Variants in MAPK4 observed in about 807,000 individuals in gnomAD.
The protein encoded by MAPK4 is mitogen-activated protein kinase 4.
A neutral mutation model predicts 47.7 loss-of-function variants in MAPK4; 22 were observed. The ratio of observed to expected loss-of-function variants is 0.46; its 90% CI spans 0.33 to 0.66. MAPK4 has a LOEUF of 0.66. Ranked by LOEUF, MAPK4 falls within the 30% of genes least tolerant of loss-of-function variation. MAPK4 has a pLI of 0.02. For synonymous variants in MAPK4, 390 were observed against 365.7 expected (o/e 1.07, Z -0.76); for missense variants, 736 against 831.7 (o/e 0.88, Z 1.42).
intron 1 of MAPK4, among the ~76,000 whole-genome samples, chr18:50,619,980 G>T (rs1240434058): frequency 6.6e-6 from 1 of 152,218 alleles, no homozygotes; most frequent in East Asian, 1.9e-4. Flanking sequence ...TAGGATATTG[G>T]CTCCCCCAAG....
intron 1 of MAPK4, among the ~76,000 whole-genome samples, chr18:50,598,218 G>A (rs555366109): frequency 5.9e-4 from 90 of 152,298 alleles, no homozygotes; most frequent in Middle Eastern, 6.8e-3. Flanking sequence ...TGCATGCCAA[G>A]CACTGTGAAG....
intron 1 of MAPK4, among the ~76,000 whole-genome samples, chr18:50,615,514 A>T (rs2042677253): frequency 6.6e-6 from 1 of 152,170 alleles, no homozygotes; most frequent in Non-Finnish European, 1.5e-5. Context: ...AAGGCAGGAC[A>T]TGCCCCTCTT....
intron 1 of MAPK4, among the ~76,000 whole-genome samples, chr18:50,616,824 T>C (rs142628180): frequency 6.6e-6 from 1 of 152,346 alleles, no homozygotes; most frequent in East Asian, 1.9e-4. Flanking sequence ...GCTGATTAGA[T>C]GGTGCCACCC....
intron 1 of MAPK4, among the ~76,000 whole-genome samples, chr18:50,567,740 G>A (rs1370727573): frequency 2.6e-5 from 4 of 151,696 alleles, no homozygotes; most frequent in African/African-American, 9.7e-5. Flanking sequence ...TTGTGTGTGT[G>A]TGTGTGTGTG....
chr18:50,652,623 T>G lies in MAPK4; in HGVS notation c.-870-10466T>G, dbSNP rs116681636. On this transcript the variant is annotated intron_variant, in intron 1 of 5. Coordinates refer to ENST00000400384, the MANE Select transcript of MAPK4 (RefSeq NM_002747.4). ...GGAGTATGGAGCTTCTGAGAATGCATTTGCACTGCTCAGATATTAATATTG... is the reference window on the plus strand; with the variant it reads ...GGAGTATGGAGCTTCTGAGAATGCAGTTGCACTGCTCAGATATTAATATTG... Among the ~76,000 whole-genome samples the G allele has an allele frequency of 6.1e-3, 926 of 152,260 alleles. 4 individuals are homozygous for G. The highest frequency in any genetic ancestry group is 0.021 in the African/African-American group (852 of 41,518).
At chr18:50,634,995 G>C (rs2042871027) in intron 1 of MAPK4, among the ~76,000 whole-genome samples, 1 of 152,190 alleles carries the variant, frequency 6.6e-6, no homozygotes, top group Non-Finnish European at 1.5e-5. Flanking sequence ...AGACTCTCCA[G>C]GGGAAGGATC....
chr18:50,730,188 G>T lies in MAPK4; in HGVS notation c.*334G>T. 4.7e-6 allele frequency: 1 copy of T among 211,236 alleles called. No individual in the cohort carries two copies. Among genetic ancestry groups the T allele is most frequent in the Non-Finnish European group, 9.4e-6 (1 of 106,308 alleles). 13.1% of individuals were successfully genotyped at this position (211,236 alleles called of 1,614,324 possible). A position where few individuals can be genotyped will look rare whatever the true frequency, so the allele number is the denominator to read the frequency against. The stretch of plus-strand genomic sequence containing the variant: ...GCAGGATGCCGAGAAATCTTGCAGA[G>T]GTAGCTCCGAAACCATCTGGCCCAA... On this transcript the variant is annotated 3_prime_UTR_variant, in exon 6 of 6. Transcript: ENST00000400384.
chr18:50,654,004 C>T (rs1050149831), intron 1 of MAPK4, among the ~76,000 whole-genome samples: 4 of 152,206 alleles, frequency 2.6e-5, no homozygotes, highest in African/African-American at 9.7e-5. Flanking sequence ...CTTTGATTCT[C>T]CTGGCTCATC....
At chr18:50,634,390 G>C (rs549987544) in intron 1 of MAPK4, among the ~76,000 whole-genome samples, 1 of 151,060 alleles carries the variant, frequency 6.6e-6, no homozygotes, top group East Asian at 2.0e-4. Flanking sequence ...GGTGAGGTCA[G>C]TTCCAGGAGT....
intron 1 of MAPK4, among the ~76,000 whole-genome samples, chr18:50,571,275 A>C (rs2042247721): frequency 6.6e-6 from 1 of 152,244 alleles, no homozygotes; most frequent in South Asian, 2.1e-4. Context: ...TATTGCTAGA[A>C]ATAGAAATCC....
chr18:50,694,268 C>T (rs961215193), intron 2 of MAPK4, among the ~76,000 whole-genome samples: 2 of 152,126 alleles, frequency 1.3e-5, no homozygotes, highest in African/African-American at 4.8e-5. Context: ...TGACTCTCAG[C>T]CTCCATCCTC....
At chr18:50,725,593 G>A (rs1350375921) in intron 4 of MAPK4, among the ~76,000 whole-genome samples, 1 of 152,194 alleles carries the variant, frequency 6.6e-6, no homozygotes, top group Non-Finnish European at 1.5e-5. Flanking sequence ...TGTCATGAGT[G>A]TGCCTTGTTC....
rs144174675 is a variant in MAPK4 at position 50,566,290 on chromosome 18, A to T, written c.-871+6047A>T. Among the ~76,000 whole-genome samples, 26 of 152,356 alleles carry T rather than the reference A, an allele frequency of 1.7e-4. No individual in the cohort carries two copies. The East Asian group carries it at 5.0e-3, about 29-fold the overall frequency. On this transcript the variant is annotated intron_variant, in intron 1 of 5. Coordinates refer to ENST00000400384, the MANE Select transcript of MAPK4 (RefSeq NM_002747.4). The stretch of plus-strand genomic sequence containing the variant: ...GAGTTGAGACCTGTTTGGAGATCTT[A>T]GGTCAAATGTGCACACAGTCACAGA...
At chr18:50,624,251 T>C (rs1433344046) in intron 1 of MAPK4, among the ~76,000 whole-genome samples, 1 of 152,178 alleles carries the variant, frequency 6.6e-6, no homozygotes, top group Non-Finnish European at 1.5e-5. Context: ...GATATATGAG[T>C]ATATGGGCTT....
At chr18:50,633,712 A>G (rs1265420785) in intron 1 of MAPK4, among the ~76,000 whole-genome samples, 1 of 152,152 alleles carries the variant, frequency 6.6e-6, no homozygotes, top group African/African-American at 2.4e-5. Context: ...ATCTTACTAT[A>G]AAGTCCTGGA....
Position 50,640,980 on chromosome 18 carries a change from A to G in MAPK4, c.-870-22109A>G, listed in dbSNP as rs2042936318. 2.0e-5 allele frequency among the ~76,000 whole-genome samples: 3 copies of G among 152,284 alleles called. No individual in the cohort carries two copies. In the South Asian group the frequency reaches 6.2e-4, roughly 32 times the overall value. ...AAGATTATTTGCAAATTCACAAATC[A>G]GCGTTTTTGTCTTTTAAATCTGCTT... On this transcript the variant is annotated intron_variant, in intron 1 of 5. Transcript: ENST00000400384.
intron 2 of MAPK4, among the ~76,000 whole-genome samples, chr18:50,674,143 C>T (rs3892158): frequency 0.69 from 105,382 of 152,108 alleles, 40,069 homozygotes; most frequent in Non-Finnish European, 0.85. Flanking sequence ...TGTTTTCAGT[C>T]CTGGTGTAAA....
At chr18:50,574,792 C>T (rs1016850958) in intron 1 of MAPK4, among the ~76,000 whole-genome samples, 4 of 152,168 alleles carry the variant, frequency 2.6e-5, no homozygotes, top group African/African-American at 9.7e-5. Flanking sequence ...CAAAGGAATT[C>T]GCAGTAGGAA....
chr18:50,559,649 C>CGCGGGGCTG, upstream of MAPK4, among the ~76,000 whole-genome samples: 1 of 150,550 alleles, frequency 6.6e-6, no homozygotes, highest in Non-Finnish European at 1.5e-5. Context: ...GCTGCAGCCG[C>CGCGGGGCTG]GCGGGGCTGG....
Sources: gnomAD v4.1 joint callset for allele counts (sites outside exome capture counted in the v4.1 genomes callset) on GRCh38, gnomAD v4.1.1 for gene constraint, MANE v1.5 for transcripts, NCBI Gene and HGNC (gene_info 2026-07-23, HGNC 2026-07-21) for gene names.